CLEC17A: variants seen among roughly 807,000 people sequenced by gnomAD.
CLEC17A encodes the protein C-type lectin domain containing 17A, also known as C-type lectin domain family 17, member A.
Under a neutral mutation model 61.3 loss-of-function variants are expected in CLEC17A, and 37 were observed. The observed-to-expected ratio is 0.60, with a 90% CI of 0.46 to 0.79. The LOEUF (loss-of-function observed/expected upper bound fraction) is 0.79. CLEC17A is among the 30% of genes least tolerant of loss of function. The pLI, the probability that CLEC17A is intolerant of heterozygous loss-of-function variation, is 0.00. For synonymous variants in CLEC17A, 168 were observed against 164.9 expected (o/e 1.02, Z -0.14); for missense variants, 418 against 464.7 (o/e 0.90, Z 0.92).
intron 12 of CLEC17A, among the ~76,000 whole-genome samples, chr19:14,602,200 G>T (rs1470682037): frequency 6.7e-6 from 1 of 149,088 alleles, no homozygotes; most frequent in Non-Finnish European, 1.5e-5. Flanking sequence ...TATTTAAAAT[G>T]TTTTTTTTTT....
chr19:14,594,494 C>T (rs753426690), intron 4 of CLEC17A, 23 bp from the exon 5 acceptor site: 2 of 1,564,716 alleles, frequency 1.3e-6, no homozygotes, highest in Non-Finnish European at 1.7e-6. Context: ...GCCCAGCCCT[C>T]ACCCTGAGCT....
intron 2 of CLEC17A, among the ~76,000 whole-genome samples, chr19:14,585,315 A>C (rs1467805471): frequency 6.6e-6 from 1 of 152,280 alleles, no homozygotes; most frequent in East Asian, 1.9e-4. Context: ...GGTTACAGGC[A>C]TGAGTCACTG....
In CLEC17A at chr19:14,594,543, A is replaced by G; in HGVS notation, c.304A>G (p.Arg102Gly). 2 of 1,606,608 alleles carry G rather than the reference A, an allele frequency of 1.2e-6. No individual in the cohort carries two copies. The highest frequency in any genetic ancestry group is 8.5e-7 in the Non-Finnish European group (1 of 1,176,896). The change falls in exon 5 of 14, where the codon AGG becomes GGG. Residue 102 changes from arginine to glycine, a missense_variant. Arg to Gly is a moderately radical substitution (Grantham distance 125). Coordinates refer to ENST00000417570, the MANE Select transcript of CLEC17A (RefSeq NM_001204118.2). ...PGSSAPPRPP[R>G]AAKETEKPPL... is the part of the protein sequence containing the mutation. The stretch of plus-strand genomic sequence containing the variant: ...TTCAAGTGCTCCACCAAGACCTCCA[A>G]GGGCAGGTGAGTTGGGGCTGGGGGT...
chr19:14,599,626 C>G (rs2074652886), intron 10 of CLEC17A, 91 bp from the exon 11 acceptor site: 2 of 905,508 alleles, frequency 2.2e-6, no homozygotes, highest in African/African-American at 1.6e-5. Context: ...GAACACAACC[C>G]TTGCTTCTCT....
chr19:14,594,393 C>A (rs777280967), intron 4 of CLEC17A, 124 bp from the exon 5 acceptor site: 4 of 1,284,606 alleles, frequency 3.1e-6, no homozygotes, highest in African/African-American at 3.0e-5. Flanking sequence ...TGCATTCTTA[C>A]GTCCAACCCC....
At chr19:14,582,901 C>A (rs116924878), upstream of CLEC17A, among the ~76,000 whole-genome samples, 7,076 of 152,218 alleles carry the variant, frequency 0.046, 223 homozygotes, top group East Asian at 0.12. Context: ...AGCCACCACA[C>A]CAGGCCAGTT....
chr19:14,591,449 T>TG (rs1375150682), intron 3 of CLEC17A, among the ~76,000 whole-genome samples: 1 of 145,278 alleles, frequency 6.9e-6, no homozygotes, highest in Middle Eastern at 3.6e-3. Flanking sequence ...CCACCGCGCC[T>TG]GGCCCTTTTT....
intron 12 of CLEC17A, among the ~76,000 whole-genome samples, chr19:14,604,427 C>T (rs780963706): frequency 2.0e-5 from 3 of 152,026 alleles, no homozygotes; most frequent in Admixed American, 6.6e-5. Flanking sequence ...AATGCTATAA[C>T]GACAGAAATA....
chr19:14,599,842 A>G lies in CLEC17A; in HGVS notation c.742+30A>G, dbSNP rs368871954. ...GTGAGACTTGGGGAATTGCCCAGGG[A>G]TGGGGGGCATGGCAGAGCTGGCACA... On this transcript the variant is annotated intron_variant, in intron 11 of 13. Transcript: ENST00000417570. The G allele has an allele frequency of 1.3e-4, 209 of 1,579,680 alleles. 1 individual carries two copies. The African/African-American group carries it at 2.1e-3, about 16-fold the overall frequency.
chr19:14,589,816 G>T (rs1251031580), intron 3 of CLEC17A, among the ~76,000 whole-genome samples: 2 of 148,476 alleles, frequency 1.3e-5, no homozygotes, highest in African/African-American at 5.0e-5. Context: ...TTTGTGACTT[G>T]TGAGGCTAGA....
At chr19:14,597,675 T>G (rs2146708550) in intron 10 of CLEC17A, among the ~76,000 whole-genome samples, 1 of 152,270 alleles carries the variant, frequency 6.6e-6, no homozygotes, top group Non-Finnish European at 1.5e-5. Context: ...GAGTTTGAGG[T>G]TGATCATGAG....
chr19:14,597,086 C>A lies in CLEC17A; in HGVS notation c.584-13C>A. On this transcript the variant is annotated splice_polypyrimidine_tract_variant and intron_variant, in intron 9 of 13. Transcript: ENST00000417570. ...CAGGAGGACCTGGGCTCAATTTGGA[C>A]TCTTCTTCATAGACCAGGAGTTGAT... 1 of 1,612,936 alleles carries A rather than the reference C, an allele frequency of 6.2e-7. No individual in the cohort carries two copies. The highest frequency in any genetic ancestry group is 1.1e-5 in the South Asian group (1 of 90,822).
chr19:14,603,417 G>A (rs1568460508), intron 12 of CLEC17A, among the ~76,000 whole-genome samples: 1 of 152,120 alleles, frequency 6.6e-6, no homozygotes, highest in Admixed American at 6.6e-5. Context: ...TTGCTTCAGT[G>A]AGTCATGATA....
In CLEC17A at chr19:14,583,255, G is replaced by T; in HGVS notation, c.43+52G>T. ...GGGCCTAGGTGTGGTCAGGACCCAG[G>T]GTACAGAATCCCCACCATGGGGCAG... On this transcript the variant is annotated intron_variant, in intron 1 of 13. Transcript: ENST00000417570. The T allele has an allele frequency of 3.7e-6, 6 of 1,613,492 alleles. No homozygotes were observed. In the South Asian group the frequency reaches 6.6e-5, roughly 18 times the overall value.
chr19:14,605,200 C>A (rs2074826841), intron 12 of CLEC17A, among the ~76,000 whole-genome samples: 2 of 151,870 alleles, frequency 1.3e-5, no homozygotes, highest in Non-Finnish European at 2.9e-5. Context: ...TGGTTTCAAG[C>A]AATTCTCCTC....
chr19:14,608,257 C>T (rs865776759), intron 13 of CLEC17A, among the ~76,000 whole-genome samples: 1 of 152,148 alleles, frequency 6.6e-6, no homozygotes, highest in Admixed American at 6.6e-5. Flanking sequence ...TTCTGCTGCC[C>T]CTTGGACTTC....
intron 12 of CLEC17A, among the ~76,000 whole-genome samples, chr19:14,604,966 A>G (rs2074818664): frequency 6.6e-6 from 1 of 152,260 alleles, no homozygotes; most frequent in South Asian, 2.1e-4. Context: ...AAACAGCAAC[A>G]ATAGCCAGAA....
At chr19:14,599,875 A>T (rs1048591555) in intron 11 of CLEC17A, 63 bp downstream of exon 11, 1 of 1,515,900 alleles carries the variant, frequency 6.6e-7, no homozygotes, top group Non-Finnish European at 9.0e-7. Flanking sequence ...ACATTACATC[A>T]CTCCATTGAA....
chr19:14,581,384 C>T (rs1054822011), upstream of CLEC17A, among the ~76,000 whole-genome samples: 3 of 152,064 alleles, frequency 2.0e-5, no homozygotes, highest in Non-Finnish European at 2.9e-5. Context: ...AATGCAGTGG[C>T]GAGATCTTGG....
Sources: allele counts gnomAD v4.1 joint callset (sites outside exome capture counted in the v4.1 genomes callset), GRCh38; gene constraint gnomAD v4.1.1; transcripts MANE v1.5; gene names NCBI Gene and HGNC (gene_info 2026-07-23, HGNC 2026-07-21).